The following NAA35 variants were observed in gnomAD, a reference collection of about 807,000 sequenced individuals.
NAA35 encodes N-alpha-acetyltransferase 35, NatC auxiliary subunit, also known as MAK10 homolog, amino-acid N-acetyltransferase subunit.
In NAA35, 18 loss-of-function variants were observed where a neutral mutation model predicts 101.7. The ratio of observed to expected loss-of-function variants is 0.18; its 90% CI spans 0.12 to 0.26. NAA35 has a LOEUF of 0.26. NAA35 is among the 10% of genes least tolerant of loss of function. The pLI is 1.00. For synonymous variants in NAA35, 267 were observed against 273.1 expected (o/e 0.98, Z 0.22); for missense variants, 601 against 886.8 (o/e 0.68, Z 4.09).
At chr9:85,976,876 C>T in intron 9 of NAA35, 141 bp downstream of exon 9, 1 of 582,394 alleles carries the variant, frequency 1.7e-6, no homozygotes, top group Admixed American at 3.6e-5. Context: ...GATTTTATTT[C>T]CCTTGTATTT....
chr9:86,018,780 G>A lies in NAA35; in HGVS notation c.1996G>A (p.Ala666Thr). The A allele has an allele frequency of 6.2e-7, 1 of 1,614,004 alleles. No individual in the cohort carries two copies. Among genetic ancestry groups the A allele is most frequent in the South Asian group, 1.1e-5 (1 of 91,060 alleles). The change falls in exon 21 of 23, where the codon GCA (alanine) becomes ACA (threonine). Residue 666 changes from alanine (A) to threonine (T), a missense_variant. This residue lies in a region of NAA35 where 90 missense variants were observed against 108.7 expected (regional missense o/e 0.83). Coordinates refer to ENST00000361671, the MANE Select transcript of NAA35 (RefSeq NM_024635.4). ...GGCAGCTAGTAAGCACTTTCAACAG[G>A]CAAAAATGATATTGGAAAATATTCC... The part of the protein sequence containing the change: ...YVAASKHFQQ[A>T]KMILENIPNP...
At chr9:85,981,939 T>C (rs1436400341) in intron 11 of NAA35, among the ~76,000 whole-genome samples, 1 of 152,212 alleles carries the variant, frequency 6.6e-6, no homozygotes, top group Non-Finnish European at 1.5e-5. Flanking sequence ...TGTGTAAATC[T>C]TGAAATCACT....
intron 11 of NAA35, among the ~76,000 whole-genome samples, chr9:85,984,205 T>C (rs1382413717): frequency 2.0e-5 from 3 of 152,036 alleles, no homozygotes; most frequent in African/African-American, 7.2e-5. Context: ...GCATGTGCCT[T>C]GTAGTCCTAG....
At chr9:85,968,195 C>A (rs112901274) in intron 6 of NAA35, among the ~76,000 whole-genome samples, 36 of 152,212 alleles carry the variant, frequency 2.4e-4, no homozygotes, top group African/African-American at 8.7e-4. Flanking sequence ...TATTTTCTTT[C>A]TAGTTCATTC....
At chr9:85,986,719 G>T in intron 11 of NAA35, 1 of 274,396 alleles carries the variant, frequency 3.6e-6, no homozygotes, top group Non-Finnish European at 7.1e-6. Flanking sequence ...TGAGTAGCTG[G>T]AATTACAGGT....
chr9:85,969,038 C>G (rs1829883724), intron 6 of NAA35, among the ~76,000 whole-genome samples: 1 of 151,976 alleles, frequency 6.6e-6, no homozygotes, highest in Non-Finnish European at 1.5e-5. Context: ...TGAAAATGCT[C>G]CTCTTGAAGT....
intron 2 of NAA35, among the ~76,000 whole-genome samples, chr9:85,955,361 T>TATATA (rs1491536463): frequency 3.6e-5 from 1 of 27,686 alleles, no homozygotes; most frequent in African/African-American, 1.3e-4. Context: ...TATATATATA[T>TATATA]TTTTTTTTTT....
intron 11 of NAA35, among the ~76,000 whole-genome samples, chr9:85,982,109 A>G (rs1379043872): frequency 6.6e-6 from 1 of 152,188 alleles, no homozygotes; most frequent in African/African-American, 2.4e-5. Flanking sequence ...GCAGAATGCA[A>G]AAGTGGTTTT....
At chr9:85,970,680 A>G (rs1829963155) in intron 6 of NAA35, among the ~76,000 whole-genome samples, 1 of 152,214 alleles carries the variant, frequency 6.6e-6, no homozygotes, top group African/African-American at 2.4e-5. Flanking sequence ...ACAAAGTACT[A>G]TTCAAAATAT....
At chr9:86,003,051 G>T (rs765422833) in intron 12 of NAA35, among the ~76,000 whole-genome samples, 1 of 152,152 alleles carries the variant, frequency 6.6e-6, no homozygotes, top group Non-Finnish European at 1.5e-5. Context: ...GAGGCTTTCT[G>T]TAGGGTCTTT....
chr9:85,982,237 G>A (rs528016744), intron 11 of NAA35, among the ~76,000 whole-genome samples: 1 of 152,258 alleles, frequency 6.6e-6, no homozygotes, highest in South Asian at 2.1e-4. Context: ...AGATTTTGGA[G>A]TCATTTTCAG....
chr9:86,004,303 C>T (rs1462935164), intron 13 of NAA35, among the ~76,000 whole-genome samples: 1 of 151,990 alleles, frequency 6.6e-6, no homozygotes, highest in Non-Finnish European at 1.5e-5. Flanking sequence ...CGGGGTTTCA[C>T]CATGTTGGCC....
chr9:85,955,128 G>A lies in NAA35; in HGVS notation c.125-1232G>A, dbSNP rs371494293. ...GATGGGGTTTCACTGTGTTGGCCGT[G>A]CTGGTCTCAAACTCCAGACCTCAGG... On this transcript the variant is annotated intron_variant, in intron 2 of 22. Transcript: ENST00000361671. Among the ~76,000 whole-genome samples, 190 of 151,334 alleles carry A rather than the reference G, an allele frequency of 1.3e-3. 4 individuals are homozygous for A. In the South Asian group the frequency reaches 0.033, roughly 27 times the overall value.
chr9:85,989,837 G>A (rs967583860), intron 11 of NAA35, among the ~76,000 whole-genome samples: 3 of 152,164 alleles, frequency 2.0e-5, no homozygotes, highest in African/African-American at 7.2e-5. Context: ...AGGAAGTAAC[G>A]GGGAAGACTA....
chr9:85,998,279 ATTGC>A lies in NAA35; in HGVS notation c.1056+1706_1056+1709del, dbSNP rs368033462. 5.4e-3 allele frequency among the ~76,000 whole-genome samples: 821 copies of A among 152,280 alleles called. 7 individuals are homozygous for A. The highest frequency in any genetic ancestry group is 0.019 in the African/African-American group (794 of 41,560). On this transcript the variant is annotated intron_variant, in intron 12 of 22. Coordinates refer to ENST00000361671, the MANE Select transcript of NAA35 (RefSeq NM_024635.4). The stretch of plus-strand genomic sequence containing the variant: ...GGTGTTTGGTAACCTGCTTTTTAAA[ATTGC>A]TTGTCTCTGTATCATGAACATCTTC...
chr9:85,958,863 G>T (rs545146428), intron 4 of NAA35, among the ~76,000 whole-genome samples: 6 of 152,090 alleles, frequency 3.9e-5, no homozygotes, highest in East Asian at 1.9e-4. Flanking sequence ...TGGCTTGGGG[G>T]TTAAATTTTG....
chr9:85,966,579 C>A (rs1158231898), intron 6 of NAA35: 2 of 1,181,222 alleles, frequency 1.7e-6, no homozygotes, highest in South Asian at 1.5e-5. Context: ...TTAACCTCAC[C>A]CACCTCTTGA....
At chr9:85,972,190 A>C (rs907501267) in intron 6 of NAA35, among the ~76,000 whole-genome samples, 1 of 151,958 alleles carries the variant, frequency 6.6e-6, no homozygotes. Context: ...TTTCCTCCAC[A>C]GTGTTTGTCT....
chr9:86,018,336 A>G lies in NAA35; in HGVS notation c.1855A>G (p.Arg619Gly). 2 of 1,614,064 alleles carry G rather than the reference A, an allele frequency of 1.2e-6. No homozygotes were observed. The highest frequency in any genetic ancestry group is 1.7e-6 in the Non-Finnish European group (2 of 1,179,942). ...LDSEQVRYEH[R>G]FAPFNSVMTP... The stretch of plus-strand genomic sequence containing the variant: ...TAGTGAACAAGTTCGGTATGAACAC[A>G]GGTTTGCTCCATTCAACAGTGTGAT... The change falls in exon 20 of 23, where the codon AGG (arginine) becomes GGG (glycine). Residue 619 changes from arginine (R) to glycine (G), a missense_variant. Arg to Gly is a moderately radical substitution (Grantham distance 125, BLOSUM62 -2). Coordinates refer to ENST00000361671, the MANE Select transcript of NAA35 (RefSeq NM_024635.4).
Sources: allele counts gnomAD v4.1 joint callset (sites outside exome capture counted in the v4.1 genomes callset), GRCh38; gene constraint gnomAD v4.1.1; regional missense constraint gnomAD v4.1.1; transcripts MANE v1.5; gene names NCBI Gene and HGNC (gene_info 2026-07-23, HGNC 2026-07-21).